The following KMT5B variants were observed in gnomAD, a reference collection of about 807,000 sequenced individuals.
KMT5B encodes lysine methyltransferase 5B.
In KMT5B, 10 loss-of-function variants were observed where a neutral mutation model predicts 83.2. The ratio of observed to expected loss-of-function variants is 0.12; its 90% CI spans 0.07 to 0.20. The LOEUF (loss-of-function observed/expected upper bound fraction) is 0.20. Ranked by LOEUF, KMT5B falls within the 10% of genes least tolerant of loss-of-function variation. The pLI is 1.00. For synonymous variants in KMT5B, 349 were observed against 388.8 expected (o/e 0.90, Z 1.20); for missense variants, 753 against 1,067.2 (o/e 0.71, Z 4.10).
rs746867205 is a variant in KMT5B, at chr11:68,158,380, T to C, written c.1966A>G (p.Ser656Gly). Reference protein sequence around the residue: ...MGPHSDQGEHSGTVGVPVSYT... With the variant: ...MGPHSDQGEHGGTVGVPVSYT... ...CTCACAGGCACGCCCACAGTGCCACTGTGCTCACCCTGGTCAGAATGGGGA... is the reference window on the plus strand; with the variant it reads ...CTCACAGGCACGCCCACAGTGCCACCGTGCTCACCCTGGTCAGAATGGGGA... The change falls in exon 11 of 11, where the codon AGT (serine) becomes GGT (glycine). Residue 656 changes from serine (S) to glycine (G), a missense_variant. Ser to Gly is a moderately conservative substitution (Grantham distance 56). Transcript: ENST00000304363. The C allele has an allele frequency of 6.2e-7, 1 of 1,614,174 alleles. No homozygotes were observed. The highest frequency in any genetic ancestry group is 8.5e-7 in the Non-Finnish European group (1 of 1,179,988).
intron 4 of KMT5B, among the ~76,000 whole-genome samples, chr11:68,179,313 T>A (rs1050922668): frequency 1.3e-5 from 2 of 152,208 alleles, no homozygotes; most frequent in Non-Finnish European, 2.9e-5. Flanking sequence ...CCTCCCTTAA[T>A]AGAAAATTTG....
At chr11:68,164,597 G>T in intron 10 of KMT5B, 1 of 492,502 alleles carries the variant, frequency 2.0e-6, no homozygotes, top group Admixed American at 2.1e-5. Flanking sequence ...AGCTCCTTCA[G>T]AGAGAGCACT....
chr11:68,171,811 G>A lies in KMT5B; in HGVS notation c.654-102C>T. The A allele has an allele frequency of 1.0e-6, 1 of 993,614 alleles. No individual in the cohort carries two copies. Among genetic ancestry groups the A allele is most frequent in the African/African-American group, 1.6e-5 (1 of 60,852 alleles). 61.5% of individuals were successfully genotyped at this position (993,614 alleles called of 1,614,324 possible). A position where few individuals can be genotyped will look rare whatever the true frequency, so the allele number is the denominator to read the frequency against. The stretch of plus-strand genomic sequence containing the variant: ...ACAATAAATATCAGAAACTGAAAAG[G>A]CCTAGCTGTCTATACTTTAGTTAGC... On this transcript the variant is annotated intron_variant, in intron 6 of 10. Transcript: ENST00000304363. The surrounding 1 kb of genome is among the most constrained non-coding windows in gnomAD (Gnocchi z 5.1).
At position 68,180,185 on chromosome 11, in the gene KMT5B, C is replaced by A; in HGVS notation, c.324G>T (p.Arg108Ser). The A allele has an allele frequency of 1.9e-6, 3 of 1,569,230 alleles. No individual in the cohort carries two copies. The highest frequency in any genetic ancestry group is 1.1e-5 in the South Asian group (1 of 88,042). Residue 108 changes from arginine to serine, a missense_variant, in exon 4 of 11, where the codon AGG becomes AGT. Coordinates refer to ENST00000304363, the MANE Select transcript of KMT5B (RefSeq NM_017635.5). ...HKMNTSAFPS[R>S]SSRHFSKSDS... ...CAGATTTTGAAAAATGCCTTGAGCTCCTCGAAGGAAAGGCGCTATATAAAT... is the reference window on the plus strand; with the variant it reads ...CAGATTTTGAAAAATGCCTTGAGCTACTCGAAGGAAAGGCGCTATATAAAT...
intron 10 of KMT5B, chr11:68,165,897 G>A (rs941641958): frequency 1.2e-6 from 2 of 1,612,778 alleles, no homozygotes; most frequent in South Asian, 1.1e-5. Context: ...AGGAATTCAT[G>A]GCAGTGACAT....
In KMT5B at chr11:68,196,545, A is replaced by G. The variant is rs769014116; in HGVS notation, c.-76-6393T>C. On this transcript the variant is annotated intron_variant, in intron 1 of 10. Coordinates refer to ENST00000304363, the MANE Select transcript of KMT5B (RefSeq NM_017635.5). Reference sequence around the variant, plus strand: ...TATTCTAAACTGCATCATAGAAACTATATTTCTGCATTAAAAAAAACTGTA... The same window carrying G: ...TATTCTAAACTGCATCATAGAAACTGTATTTCTGCATTAAAAAAAACTGTA... Among the ~76,000 whole-genome samples the G allele has an allele frequency of 3.3e-5, 5 of 150,600 alleles. No individual in the cohort carries two copies. The East Asian group carries it at 5.8e-4, about 17-fold the overall frequency.
At chr11:68,210,112 T>C (rs1429641343) in intron 1 of KMT5B, among the ~76,000 whole-genome samples, 1 of 152,222 alleles carries the variant, frequency 6.6e-6, no homozygotes, top group African/African-American at 2.4e-5. Context: ...CCCAAAGTGC[T>C]GGGATTACAG....
intron 1 of KMT5B, among the ~76,000 whole-genome samples, chr11:68,194,336 T>C (rs1296592331): frequency 6.6e-6 from 1 of 151,794 alleles, no homozygotes; most frequent in African/African-American, 2.4e-5. Flanking sequence ...GAATTACAGG[T>C]GTGCACCACC....
In KMT5B at chr11:68,169,156, C is replaced by G. The variant is rs537592677; in HGVS notation, c.977+1859G>C. Among the ~76,000 whole-genome samples, 105 of 152,356 alleles carry G rather than the reference C, an allele frequency of 6.9e-4. 1 individual carries two copies. The highest frequency in any genetic ancestry group is 1.9e-3 in the African/African-American group (78 of 41,586). Reference sequence around the variant, plus strand: ...CACACGTTTCTATCTACTTCTCACACTAACCTTGTGGAGTAGGTGGGATTA... The same window carrying G: ...CACACGTTTCTATCTACTTCTCACAGTAACCTTGTGGAGTAGGTGGGATTA... On this transcript the variant is annotated intron_variant, in intron 9 of 10. Coordinates refer to ENST00000304363, the MANE Select transcript of KMT5B (RefSeq NM_017635.5).
intron 3 of KMT5B, among the ~76,000 whole-genome samples, chr11:68,185,381 T>A (rs1486533963): frequency 6.6e-6 from 1 of 152,232 alleles, no homozygotes; most frequent in Non-Finnish European, 1.5e-5. Flanking sequence ...ATTTTTTTTG[T>A]ACTTTTAGTA....
chr11:68,209,396 CCAAA>C (rs1412248338), intron 1 of KMT5B, among the ~76,000 whole-genome samples: 3 of 152,016 alleles, frequency 2.0e-5, no homozygotes, highest in African/African-American at 7.3e-5. Context: ...GGGAAGAAAA[CCAAA>C]CAGATGCATA....
chr11:68,203,496 A>G (rs1268851285), intron 1 of KMT5B, among the ~76,000 whole-genome samples: 2 of 152,326 alleles, frequency 1.3e-5, no homozygotes, highest in Admixed American at 1.3e-4. Flanking sequence ...TGCAATAACT[A>G]AGGCTCCACG....
rs1370136870 is a variant in KMT5B, at chr11:68,213,282, A to G, written c.-221T>C. The G allele has an allele frequency of 6.8e-6, 1 of 146,794 alleles. No homozygotes were observed. Among genetic ancestry groups the G allele is most frequent in the African/African-American group, 2.5e-5 (1 of 40,586 alleles). 9.1% of individuals were successfully genotyped at this position (146,794 alleles called of 1,614,324 possible). On this transcript the variant is annotated 5_prime_UTR_variant, in exon 1 of 11. Transcript: ENST00000304363. ...AAAATAATTCCAGAGAAAAATGGAGAGTAAAATCCAAGATGGCGGCGCGGG... is the reference window on the plus strand; with the variant it reads ...AAAATAATTCCAGAGAAAAATGGAGGGTAAAATCCAAGATGGCGGCGCGGG...
intron 5 of KMT5B, chr11:68,174,202 A>T (rs1353393587): frequency 1.4e-5 from 7 of 497,330 alleles, no homozygotes; most frequent in Admixed American, 2.8e-5. Context: ...ACAGAGCAAG[A>T]TTCTGCCTCT....
chr11:68,180,439 C>T (rs1023806782), intron 3 of KMT5B, among the ~76,000 whole-genome samples: 2 of 152,100 alleles, frequency 1.3e-5, no homozygotes, highest in South Asian at 2.1e-4. Flanking sequence ...ACATTCTTTA[C>T]GGATTCTAGT....
chr11:68,188,055 C>T (rs1479929800), intron 2 of KMT5B, among the ~76,000 whole-genome samples: 4 of 147,348 alleles, frequency 2.7e-5, no homozygotes, highest in East Asian at 2.0e-4. Context: ...GATGGAGTCT[C>T]GCTCTGTCGC....
intron 1 of KMT5B, among the ~76,000 whole-genome samples, chr11:68,194,964 CAGG>C (rs1858533316): frequency 6.6e-6 from 1 of 152,094 alleles, no homozygotes; most frequent in South Asian, 2.1e-4. Flanking sequence ...TGCTTGAGGC[CAGG>C]AGTTCGAGAC....
intron 2 of KMT5B, among the ~76,000 whole-genome samples, chr11:68,189,045 C>A (rs1415177680): frequency 1.3e-5 from 2 of 152,162 alleles, no homozygotes; most frequent in Non-Finnish European, 2.9e-5. Context: ...ATCGCATAAA[C>A]CCTAAAAGGT....
At chr11:68,181,642 C>A (rs1488213319) in intron 3 of KMT5B, among the ~76,000 whole-genome samples, 3 of 152,176 alleles carry the variant, frequency 2.0e-5, no homozygotes, top group Non-Finnish European at 4.4e-5. Flanking sequence ...CTATTTACTA[C>A]CTTAATTAAG....
Sources: allele counts gnomAD v4.1 joint callset (sites outside exome capture counted in the v4.1 genomes callset), GRCh38; gene constraint gnomAD v4.1.1; non-coding constraint Gnocchi (gnomAD v3.1); transcripts MANE v1.5; gene names NCBI Gene and HGNC (gene_info 2026-07-23, HGNC 2026-07-21).